DIAPH3: variants seen among roughly 807,000 people sequenced by gnomAD.
The protein encoded by DIAPH3 is diaphanous related formin 3.
In DIAPH3, 117 loss-of-function variants were observed where a neutral mutation model predicts 144.3. The observed-to-expected ratio is 0.81, with a 90% CI of 0.70 to 0.95. The LOEUF (loss-of-function observed/expected upper bound fraction) is 0.95. Among genes scored for constraint, DIAPH3 ranks in the 40% least tolerant of loss-of-function variants. DIAPH3 has a pLI of 0.00. For missense variants in DIAPH3, 1,421 were observed against 1,412.7 expected (o/e 1.01, Z -0.09); for synonymous variants, 519 against 488.9 (o/e 1.06, Z -0.81).
chr13:60,032,138 T>G (rs1366892857), intron 5 of DIAPH3, among the ~76,000 whole-genome samples: 1 of 152,210 alleles, frequency 6.6e-6, no homozygotes, highest in Non-Finnish European at 1.5e-5. Flanking sequence ...TCTGCCCCTG[T>G]GGCTTTGCAG....
intron 21 of DIAPH3, among the ~76,000 whole-genome samples, 187 bp from the exon 22 acceptor site, chr13:59,861,723 T>C (rs1320567125): frequency 6.6e-6 from 1 of 152,168 alleles, no homozygotes; most frequent in Non-Finnish European, 1.5e-5. Context: ...TTGGTGAAAA[T>C]CATTATTTGT....
intron 5 of DIAPH3, among the ~76,000 whole-genome samples, chr13:60,035,371 A>G (rs2055132587): frequency 6.6e-6 from 1 of 152,218 alleles, no homozygotes; most frequent in Non-Finnish European, 1.5e-5. Context: ...GAATGACGGT[A>G]TACAAAAGAA....
intron 19 of DIAPH3, 45 bp downstream of exon 19, chr13:59,916,110 G>C (rs1413008106): frequency 1.3e-6 from 2 of 1,501,432 alleles, no homozygotes; most frequent in African/African-American, 2.8e-5. Context: ...TTAATGAGAA[G>C]CTTGCAATGA....
chr13:60,092,626 G>C (rs1208831608), intron 4 of DIAPH3, among the ~76,000 whole-genome samples: 7 of 152,098 alleles, frequency 4.6e-5, no homozygotes, highest in Non-Finnish European at 7.4e-5. Context: ...ACCCCAGCCT[G>C]GGCGACAGAG....
chr13:59,915,834 G>A (rs562092878), intron 19 of DIAPH3, among the ~76,000 whole-genome samples: 1 of 151,814 alleles, frequency 6.6e-6, no homozygotes, highest in African/African-American at 2.4e-5. Context: ...CATTCTAAAA[G>A]GGCTATAGAA....
intron 27 of DIAPH3, among the ~76,000 whole-genome samples, chr13:59,689,741 T>C (rs1051770349): frequency 6.6e-6 from 1 of 151,742 alleles, no homozygotes; most frequent in African/African-American, 2.4e-5. Context: ...GACAAGTTGG[T>C]TTTAGGGCGG....
chr13:60,046,297 G>A (rs1055934772), intron 4 of DIAPH3, among the ~76,000 whole-genome samples: 1 of 152,062 alleles, frequency 6.6e-6, no homozygotes, highest in Non-Finnish European at 1.5e-5. Flanking sequence ...ATCATAAAAT[G>A]CTCAATTACT....
chr13:59,775,153 T>A (rs949125058), intron 25 of DIAPH3, among the ~76,000 whole-genome samples: 3 of 152,240 alleles, frequency 2.0e-5, no homozygotes, highest in Admixed American at 6.5e-5. Flanking sequence ...GAGTTATAAA[T>A]CACATTTCCT....
intron 7 of DIAPH3, 106 bp downstream of exon 7, chr13:60,015,807 A>C (rs1003319262): frequency 2.1e-6 from 2 of 957,246 alleles, no homozygotes. Context: ...TTTTTCCATC[A>C]TGTACTAAAA....
chr13:59,973,701 A>C (rs773417206), intron 15 of DIAPH3, among the ~76,000 whole-genome samples: 1 of 152,282 alleles, frequency 6.6e-6, no homozygotes, highest in East Asian at 1.9e-4. Context: ...GAAAATAGCA[A>C]AACTATACTT....
intron 25 of DIAPH3, among the ~76,000 whole-genome samples, chr13:59,794,794 C>G (rs1468909111): frequency 6.6e-6 from 1 of 152,152 alleles, no homozygotes; most frequent in East Asian, 1.9e-4. Context: ...CAGGAACCAG[C>G]TACCATGCCC....
intron 27 of DIAPH3, among the ~76,000 whole-genome samples, chr13:59,754,827 T>A (rs2037176371): frequency 6.6e-6 from 1 of 152,158 alleles, no homozygotes; most frequent in African/African-American, 2.4e-5. Flanking sequence ...TCTTGCTATG[T>A]GCTAGGTTGT....
intron 27 of DIAPH3, among the ~76,000 whole-genome samples, chr13:59,760,483 G>C (rs1235042236): frequency 6.6e-6 from 1 of 152,100 alleles, no homozygotes; most frequent in African/African-American, 2.4e-5. Context: ...TGAGTTACTG[G>C]CTTGTCAGAG....
chr13:59,994,767 A>T (rs1363712487), intron 9 of DIAPH3, among the ~76,000 whole-genome samples: 1 of 151,886 alleles, frequency 6.6e-6, no homozygotes, highest in African/African-American at 2.4e-5. Flanking sequence ...CGGTTTGTCA[A>T]GGTAGAAAGG....
chr13:60,016,169 T>C (rs779814620), intron 5 of DIAPH3, 24 bp from the exon 6 acceptor site: 4 of 1,607,306 alleles, frequency 2.5e-6, no homozygotes, highest in Non-Finnish European at 3.4e-6. Context: ...AAAAGACAGT[T>C]ACACATTGTC....
intron 14 of DIAPH3, among the ~76,000 whole-genome samples, chr13:59,977,176 A>G (rs950683490): frequency 1.3e-5 from 2 of 151,820 alleles, no homozygotes; most frequent in African/African-American, 4.8e-5. Context: ...GCTGATGGAG[A>G]AGTAAAAGCA....
At chr13:60,075,799 T>C (rs2057357815) in intron 4 of DIAPH3, among the ~76,000 whole-genome samples, 1 of 152,330 alleles carries the variant, frequency 6.6e-6, no homozygotes, top group South Asian at 2.1e-4. Flanking sequence ...GAGAAACAGA[T>C]GCAGAAAACT....
intron 1 of DIAPH3, among the ~76,000 whole-genome samples, chr13:60,136,157 A>G (rs1050836526): frequency 6.6e-6 from 1 of 152,332 alleles, no homozygotes; most frequent in African/African-American, 2.4e-5. Context: ...TTTTGTAAAT[A>G]CAAAACTATA....
intron 11 of DIAPH3, 80 bp from the exon 12 acceptor site, chr13:59,991,354 A>C (rs2140815941): frequency 9.8e-7 from 1 of 1,016,308 alleles, no homozygotes; most frequent in African/African-American, 1.6e-5. Flanking sequence ...TTTGTCCTGT[A>C]AGGTTTTGGA....
Sources: gnomAD v4.1 joint callset for allele counts (sites outside exome capture counted in the v4.1 genomes callset) on GRCh38, gnomAD v4.1.1 for gene constraint, MANE v1.5 for transcripts, NCBI Gene and HGNC (gene_info 2026-07-23, HGNC 2026-07-21) for gene names.